Variants in KCNQ1 observed in about 807,000 individuals in gnomAD.
KCNQ1 encodes the protein potassium voltage-gated channel subfamily KQT member 1.
Under a neutral mutation model 72.4 loss-of-function variants are expected in KCNQ1, and 49 were observed. That is an observed-to-expected ratio of 0.68 (90% CI 0.54 to 0.86). The LOEUF is 0.86. Ranked by LOEUF, KCNQ1 falls within the 40% of genes least tolerant of loss-of-function variation. KCNQ1 has a pLI of 0.00. For synonymous variants in KCNQ1, 450 were observed against 412.6 expected, an observed-to-expected ratio of 1.09 and a Z score of -1.10; for missense variants, 790 against 945.1, an observed-to-expected ratio of 0.84 and a Z score of 2.15.
In KCNQ1 at chr11:2,769,945, A is replaced by C. The variant is rs1846564191; in HGVS notation, c.1590+1026A>C. Among the ~76,000 whole-genome samples, 1 of 151,960 alleles carries C rather than the reference A, an allele frequency of 6.6e-6. No homozygotes were observed. Among genetic ancestry groups the C allele is most frequent in the African/African-American group, 2.4e-5 (1 of 41,396 alleles). On this transcript the variant is annotated intron_variant, in intron 12 of 15. Transcript: ENST00000155840. The surrounding 1 kb of genome is among the most constrained non-coding windows in gnomAD (Gnocchi z 4.6). ...GTGGCATCCCAGCCCACCAAGACTT[A>C]TCCTGGAGCCACTGAGCTCCCTGCT...
At position 2,627,527 on chromosome 11, in the gene KCNQ1, C is replaced by A. The variant is rs749256861; in HGVS notation, c.1394-34434C>A. ...TCTGAGTTCAAGCTTTTTAGAATTC[C>A]ATATGTAACTGGGATAGTGCAGTAT... is the stretch of plus-strand genomic sequence containing the variant. On this transcript the variant is annotated intron_variant, in intron 10 of 15. Coordinates refer to ENST00000155840, the MANE Select transcript of KCNQ1 (RefSeq NM_000218.3). This position sits in a 1 kb window ranked among gnomAD's most constrained non-coding sequence, Gnocchi z 4.9. The A allele has an allele frequency of 1.0e-5, 4 of 398,362 alleles. No individual in the cohort carries two copies. The highest frequency in any genetic ancestry group is 1.8e-5 in the Non-Finnish European group (4 of 226,032). The allele number at this position is 398,362 out of a possible 1,614,324, so 24.7% of individuals were successfully genotyped here.
intron 10 of KCNQ1, chr11:2,616,963 GT>G (rs35383069): frequency 0.59 from 220,154 of 371,904 alleles, 62,039 homozygotes; most frequent in East Asian, 0.84. Context: ...ATCTTGTTGT[GT>G]TTTTTTTTTT....
chr11:2,585,244 G>A lies in KCNQ1; in HGVS notation c.1065G>A (p.Val355=). ...TTGGCTCGGGGTTTGCCCTGAAGGTGCAGCAGAAGCAGAGGCAGAAGCACT... is the reference window on the plus strand; with the variant it reads ...TTGGCTCGGGGTTTGCCCTGAAGGTACAGCAGAAGCAGAGGCAGAAGCACT... ...GILGSGFALK[V]QQKQRQKHFN... The change falls in exon 8 of 16, where the codon GTG becomes GTA. Residue 355 remains valine (V), a synonymous_variant. Coordinates refer to ENST00000155840, the MANE Select transcript of KCNQ1 (RefSeq NM_000218.3). 1.9e-6 allele frequency: 3 copies of A among 1,614,100 alleles called. No homozygotes were observed. The South Asian group carries it at 3.3e-5, about 18-fold the overall frequency.
intron 15 of KCNQ1, among the ~76,000 whole-genome samples, chr11:2,789,601 A>T (rs904631256): frequency 2.6e-5 from 4 of 152,222 alleles, no homozygotes; most frequent in African/African-American, 9.6e-5. Flanking sequence ...CACAGCACCC[A>T]GGACGCAGCT....
At chr11:2,794,312 G>A (rs1350174706) in intron 15 of KCNQ1, among the ~76,000 whole-genome samples, 1 of 152,250 alleles carries the variant, frequency 6.6e-6, no homozygotes, top group African/African-American at 2.4e-5. Context: ...AGCTTCTGCT[G>A]TGAGCCCCCA....
chr11:2,575,351 C>T (rs1397840824), intron 6 of KCNQ1, among the ~76,000 whole-genome samples: 1 of 151,978 alleles, frequency 6.6e-6, no homozygotes, highest in African/African-American at 2.4e-5. Flanking sequence ...AGGCCCCGCG[C>T]CCCTGGTCGC....
chr11:2,671,850 C>T lies in KCNQ1; in HGVS notation c.1514+9769C>T. On this transcript the variant is annotated intron_variant, in intron 11 of 15. Coordinates refer to ENST00000155840, the MANE Select transcript of KCNQ1 (RefSeq NM_000218.3). This position sits in a 1 kb window ranked among gnomAD's most constrained non-coding sequence, Gnocchi z 4.7. ...TGTGGTTATAGGTCTGAGCCTTCTG[C>T]CCCAGGGAGCCAAGCCCTGGAGAGG... The T allele has an allele frequency of 2.5e-6, 1 of 398,716 alleles. No individual in the cohort carries two copies. Among genetic ancestry groups the T allele is most frequent in the Non-Finnish European group, 4.4e-6 (1 of 226,122 alleles). The allele number at this position is 398,716 out of a possible 1,614,324, so 24.7% of individuals were successfully genotyped here. A position where few individuals can be genotyped will look rare whatever the true frequency, so the allele number is the denominator to read the frequency against.
chr11:2,784,006 C>T lies in KCNQ1; in HGVS notation c.1794+5969C>T, dbSNP rs548603021. The stretch of plus-strand genomic sequence containing the variant: ...AAAAGTTTTTAATTTTAATGAAGTC[C>T]AATTTGTCTTTTCTTATATGGCTCA... On this transcript the variant is annotated intron_variant, in intron 15 of 15. Transcript: ENST00000155840. This position sits in a 1 kb window ranked among gnomAD's most constrained non-coding sequence, Gnocchi z 4.7. Among the ~76,000 whole-genome samples, 28 of 151,968 alleles carry T rather than the reference C, an allele frequency of 1.8e-4. No homozygotes were observed. The highest frequency in any genetic ancestry group is 6.7e-4 in the African/African-American group (28 of 41,526).
intron 15 of KCNQ1, among the ~76,000 whole-genome samples, chr11:2,820,785 G>A (rs531796316): frequency 6.2e-4 from 95 of 152,332 alleles, no homozygotes; most frequent in African/African-American, 1.2e-3. Flanking sequence ...TTGAGTCTGC[G>A]TGGCTTCCGC....
intron 15 of KCNQ1, among the ~76,000 whole-genome samples, chr11:2,823,614 G>C (rs966646327): frequency 6.6e-6 from 1 of 152,222 alleles, no homozygotes; most frequent in Admixed American, 6.5e-5. Flanking sequence ...CAGAGGACAG[G>C]ATACTCCTGA....
chr11:2,453,361 GA>G (rs1846142316), intron 1 of KCNQ1, among the ~76,000 whole-genome samples: 1 of 151,158 alleles, frequency 6.6e-6, no homozygotes, highest in South Asian at 2.1e-4. Context: ...CAATAAGAGT[GA>G]AATTCCATCT....
At position 2,733,857 on chromosome 11, in the gene KCNQ1, C is replaced by CACTCTCTCACTCTTTCTCTCT. The variant is rs147278439; in HGVS notation, c.1515-34987_1515-34986insACTCTCTCACTCTTTCTCTCT. Among the ~76,000 whole-genome samples the CACTCTCTCACTCTTTCTCTCT allele has an allele frequency of 2.3e-3, 179 of 76,352 alleles. 10 individuals are homozygous for CACTCTCTCACTCTTTCTCTCT. The highest frequency in any genetic ancestry group is 3.8e-3 in the Non-Finnish European group (149 of 39,504). 50.1% of individuals were successfully genotyped at this position (76,352 alleles called of 152,430 possible). A position where few individuals can be genotyped will look rare whatever the true frequency, so the allele number is the denominator to read the frequency against. On this transcript the variant is annotated intron_variant, in intron 11 of 15. Transcript: ENST00000155840. ...TCTCTCTCTCTCTCTCTCTCTCTCT[C>CACTCTCTCACTCTTTCTCTCT]CCCCCCCACTTCAGGGCCTTCGCGC...
In KCNQ1 at chr11:2,536,756, C is replaced by T. The variant is rs938562310; in HGVS notation, c.477+8738C>T. On this transcript the variant is annotated intron_variant, in intron 2 of 15. Transcript: ENST00000155840. The surrounding 1 kb of genome is among the most constrained non-coding windows in gnomAD (Gnocchi z 7.4). ...GGGTCGCGAGAGTCGACCTGGGCTGCGTGATGGGGGACCCCAGGCTGGGCG... is the reference window on the plus strand; with the variant it reads ...GGGTCGCGAGAGTCGACCTGGGCTGTGTGATGGGGGACCCCAGGCTGGGCG... 2.7e-5 allele frequency among the ~76,000 whole-genome samples: 4 copies of T among 150,864 alleles called. No individual in the cohort carries two copies. Among genetic ancestry groups the T allele is most frequent in the Non-Finnish European group, 4.4e-5 (3 of 68,016 alleles).
chr11:2,580,884 G>C (rs1283963405), intron 6 of KCNQ1, among the ~76,000 whole-genome samples: 1 of 152,230 alleles, frequency 6.6e-6, no homozygotes, highest in Non-Finnish European at 1.5e-5. Context: ...CGGGCTGCAC[G>C]TGCCAGCCAG....
At position 2,611,437 on chromosome 11, in the gene KCNQ1, C is replaced by T. The variant is rs1031204892; in HGVS notation, c.1393+22583C>T. ...ATGTTGACCAGGCTGGTCTTGAACTCCTGACCTCGAGTGATCTGTCTGCCT... is the reference window on the plus strand; with the variant it reads ...ATGTTGACCAGGCTGGTCTTGAACTTCTGACCTCGAGTGATCTGTCTGCCT... On this transcript the variant is annotated intron_variant, in intron 10 of 15. Coordinates refer to ENST00000155840, the MANE Select transcript of KCNQ1 (RefSeq NM_000218.3). The surrounding 1 kb of genome is among the most constrained non-coding windows in gnomAD (Gnocchi z 5.3). 3 of 397,766 alleles carry T rather than the reference C, an allele frequency of 7.5e-6. No individual in the cohort carries two copies. Among genetic ancestry groups the T allele is most frequent in the Middle Eastern group, 6.3e-4 (1 of 1,588 alleles). The allele number at this position is 397,766 out of a possible 1,614,324, so 24.6% of individuals were successfully genotyped here. A position where few individuals can be genotyped will look rare whatever the true frequency, so the allele number is the denominator to read the frequency against.
intron 15 of KCNQ1, among the ~76,000 whole-genome samples, chr11:2,796,713 C>A (rs751207114): frequency 4.7e-4 from 72 of 152,202 alleles, no homozygotes; most frequent in Non-Finnish European, 8.8e-4. Context: ...CCCAGGAAGA[C>A]CTCGTGGGTT....
At chr11:2,523,751 G>GTTTTT (rs59766245) in intron 1 of KCNQ1, among the ~76,000 whole-genome samples, 35,880 of 114,494 alleles carry the variant, frequency 0.31, 6,186 homozygotes, top group Non-Finnish European at 0.4. Flanking sequence ...GAAGTTTACA[G>GTTTTT]TTTTTTTTTT....
intron 15 of KCNQ1, among the ~76,000 whole-genome samples, chr11:2,823,081 G>A (rs889911631): frequency 6.6e-6 from 1 of 152,140 alleles, no homozygotes; most frequent in African/African-American, 2.4e-5. Flanking sequence ...GGAGATGAGA[G>A]GAAATAGAGA....
In KCNQ1 at chr11:2,613,304, C is replaced by T. The variant is rs910621852; in HGVS notation, c.1393+24450C>T. The T allele has an allele frequency of 2.5e-5, 10 of 398,422 alleles. No homozygotes were observed. The highest frequency in any genetic ancestry group is 2.1e-4 in the African/African-American group (10 of 48,610). The allele number at this position is 398,422 out of a possible 1,614,324, so 24.7% of individuals were successfully genotyped here. A position where few individuals can be genotyped will look rare whatever the true frequency, so the allele number is the denominator to read the frequency against. ...CAAGCATGTACAACTTCCATATCTC[C>T]AGAATTCCTTTTAAAATTTTTCTTA... On this transcript the variant is annotated intron_variant, in intron 10 of 15. Coordinates refer to ENST00000155840, the MANE Select transcript of KCNQ1 (RefSeq NM_000218.3). The surrounding 1 kb of genome is among the most constrained non-coding windows in gnomAD (Gnocchi z 4.8).
Sources: gnomAD v4.1 joint callset for allele counts (sites outside exome capture counted in the v4.1 genomes callset) on GRCh38, gnomAD v4.1.1 for gene constraint, Gnocchi (gnomAD v3.1) non-coding constraint, MANE v1.5 for transcripts, NCBI Gene and HGNC (gene_info 2026-07-23, HGNC 2026-07-21) for gene names.